Variants in CNTLN observed in about 807,000 individuals in gnomAD.
CNTLN encodes centlein.
In CNTLN, 212 loss-of-function variants were observed where a neutral mutation model predicts 180.0. The ratio of observed to expected loss-of-function variants is 1.18; its 90% confidence interval spans 1.05 to 1.32. CNTLN has a LOEUF of 1.32. Ranked by LOEUF, CNTLN falls within the 40% of genes most tolerant of loss-of-function variation. The pLI, the probability that CNTLN is intolerant of heterozygous loss-of-function variation, is 0.00. For missense variants in CNTLN, 2,095 were observed against 1,610.9 expected, an observed-to-expected ratio of 1.30 and a Z score of -5.14; for synonymous variants, 722 against 563.1, an observed-to-expected ratio of 1.28 and a Z score of -3.99.
intron 5 of CNTLN, among the ~76,000 whole-genome samples, chr9:17,263,021 C>G (rs546225658): frequency 1.3e-4 from 19 of 151,108 alleles, no homozygotes; most frequent in Middle Eastern, 6.9e-3. Context: ...TCTAATTTAT[C>G]TAAAGGTTTA....
chr9:17,161,247 T>C (rs1318796083), intron 2 of CNTLN, among the ~76,000 whole-genome samples: 2 of 152,138 alleles, frequency 1.3e-5, no homozygotes, highest in African/African-American at 4.8e-5. Flanking sequence ...TTCTATGATA[T>C]GTAGATATTT....
chr9:17,484,498 T>C lies in CNTLN; in HGVS notation c.4041+18T>C, dbSNP rs761217145. Reference sequence around the variant, plus strand: ...ATCAAGTGGTAAGATCATTTAAATATTTATTATTAAAGGGTTTATTATACA... The same window carrying C: ...ATCAAGTGGTAAGATCATTTAAATACTTATTATTAAAGGGTTTATTATACA... On this transcript the variant is annotated intron_variant, in intron 24 of 25. Coordinates refer to ENST00000380647, the MANE Select transcript of CNTLN (RefSeq NM_017738.4). 1 of 1,564,210 alleles carries C rather than the reference T, an allele frequency of 6.4e-7. No homozygotes were observed. Among genetic ancestry groups the C allele is most frequent in the South Asian group, 1.2e-5 (1 of 82,490 alleles).
intron 13 of CNTLN, among the ~76,000 whole-genome samples, chr9:17,383,144 C>T (rs750168866): frequency 5.7e-4 from 86 of 152,024 alleles, no homozygotes; most frequent in Non-Finnish European, 8.8e-4. Context: ...ATGCATTGTA[C>T]GTATATGTAT....
intron 2 of CNTLN, among the ~76,000 whole-genome samples, chr9:17,161,044 A>G (rs1203659205): frequency 2.0e-5 from 3 of 152,150 alleles, no homozygotes; most frequent in African/African-American, 7.2e-5. Context: ...TAAATACTAT[A>G]ATGATATTCA....
chr9:17,337,041 T>G (rs1821093716), intron 10 of CNTLN, among the ~76,000 whole-genome samples: 1 of 152,206 alleles, frequency 6.6e-6, no homozygotes, highest in South Asian at 2.1e-4. Context: ...ATTGTGGTTT[T>G]GATTTCCATA....
the CNTLN span, among the ~76,000 whole-genome samples, chr9:17,517,357 A>G: frequency 6.6e-6 from 1 of 151,754 alleles, no homozygotes; most frequent in East Asian, 1.9e-4. Context: ...GCACCCCTGC[A>G]CTCCAGCCTG....
At chr9:17,450,799 A>C (rs1293390215) in intron 18 of CNTLN, among the ~76,000 whole-genome samples, 2 of 152,096 alleles carry the variant, frequency 1.3e-5, no homozygotes, top group African/African-American at 4.8e-5. Context: ...AAATTTTGTT[A>C]CATAAATAAT....
chr9:17,441,945 A>C (rs1353637230), intron 18 of CNTLN, among the ~76,000 whole-genome samples: 1 of 152,190 alleles, frequency 6.6e-6, no homozygotes, highest in Non-Finnish European at 1.5e-5. Context: ...AGACAAAGAC[A>C]TTCACCTGAA....
intron 4 of CNTLN, 23 bp from the exon 5 acceptor site, chr9:17,236,386 G>A: frequency 2.6e-6 from 4 of 1,519,832 alleles, no homozygotes; most frequent in Non-Finnish European, 3.5e-6. Flanking sequence ...TTATTTATTT[G>A]CCCTTGTGGT....
intron 2 of CNTLN, among the ~76,000 whole-genome samples, chr9:17,210,881 T>C (rs950333526): frequency 2.0e-5 from 3 of 152,176 alleles, no homozygotes; most frequent in Admixed American, 6.5e-5. Flanking sequence ...TCATATCCTT[T>C]GCCCACTTTT....
At chr9:17,436,958 T>G (rs1829813570) in intron 18 of CNTLN, among the ~76,000 whole-genome samples, 1 of 152,252 alleles carries the variant, frequency 6.6e-6, no homozygotes, top group Non-Finnish European at 1.5e-5. Flanking sequence ...ATACGTCAGA[T>G]TCTCTAGGGC....
intron 2 of CNTLN, among the ~76,000 whole-genome samples, chr9:17,179,773 A>C (rs1018442480): frequency 3.3e-5 from 5 of 152,190 alleles, no homozygotes; most frequent in African/African-American, 4.8e-5. Context: ...TGAAGTTGCC[A>C]AACATAATTA....
At position 17,298,250 on chromosome 9, in the gene CNTLN, A is replaced by C. The variant is rs1027677716; in HGVS notation, c.1044A>C (p.Gln348His). The C allele has an allele frequency of 4.3e-6, 7 of 1,612,782 alleles. No homozygotes were observed. In the African/African-American group the frequency reaches 9.4e-5, roughly 22 times the overall value. Residue 348 changes from glutamine to histidine, a missense_variant, in exon 7 of 26, where the codon CAA (glutamine) becomes CAC (histidine). Physicochemically the swap from Gln to His is conservative, Grantham distance 24. Transcript: ENST00000380647. ...AGAACAGTACACATACAGCCCAGCA[A>C]GCAGAGCTGATCCAGCAGCTTCAGG... ...YKQNSTHTAQ[Q>H]AELIQQLQVL...
At chr9:17,475,426 A>G (rs1424849725) in intron 23 of CNTLN, among the ~76,000 whole-genome samples, 1 of 151,762 alleles carries the variant, frequency 6.6e-6, no homozygotes, top group Non-Finnish European at 1.5e-5. Flanking sequence ...AAGAATAAAA[A>G]TATTTAATTT....
intron 18 of CNTLN, 96 bp downstream of exon 18, chr9:17,416,285 A>C: frequency 1.9e-6 from 2 of 1,037,050 alleles, no homozygotes; most frequent in South Asian, 1.9e-5. Context: ...TGTGTTAGGC[A>C]GGTCTATGAG....
chr9:17,276,109 A>T (rs1418159374), intron 6 of CNTLN, among the ~76,000 whole-genome samples: 1 of 152,128 alleles, frequency 6.6e-6, no homozygotes, highest in African/African-American at 2.4e-5. Flanking sequence ...ATAGTACTAC[A>T]CATATACCCC....
intron 2 of CNTLN, among the ~76,000 whole-genome samples, chr9:17,181,889 G>A (rs1054409850): frequency 6.6e-6 from 1 of 152,170 alleles, no homozygotes; most frequent in Non-Finnish European, 1.5e-5. Flanking sequence ...TGTCATCACG[G>A]GAGGAAGGGA....
chr9:17,301,112 T>C, intron 7 of CNTLN: 9 of 985,396 alleles, frequency 9.1e-6, no homozygotes, highest in Non-Finnish European at 1.1e-5. Flanking sequence ...AGTAATACTT[T>C]GCTGAGAAGA....
chr9:17,354,069 T>G (rs1587745838), intron 12 of CNTLN, among the ~76,000 whole-genome samples: 1 of 152,192 alleles, frequency 6.6e-6, no homozygotes, highest in South Asian at 2.1e-4. Flanking sequence ...ATGAGGGACT[T>G]AGCACCCGGG....
Sources: gnomAD v4.1 joint callset for allele counts (sites outside exome capture counted in the v4.1 genomes callset) on GRCh38, gnomAD v4.1.1 for gene constraint, MANE v1.5 for transcripts, NCBI Gene and HGNC (gene_info 2026-07-23, HGNC 2026-07-21) for gene names.